TMEM116: variants seen among roughly 807,000 people sequenced by gnomAD.
The protein encoded by TMEM116 is transmembrane protein 116.
Under a neutral mutation model 44.3 loss-of-function variants are expected in TMEM116, and 38 were observed. The ratio of observed to expected loss-of-function variants is 0.86; its 90% CI spans 0.66 to 1.12. The LOEUF (loss-of-function observed/expected upper bound fraction) is 1.12, where lower values mean the gene tolerates loss of function less well. TMEM116 is among the 50% of genes most tolerant of loss of function. The pLI is 0.00. For missense variants in TMEM116, 354 were observed against 401.7 expected, an observed-to-expected ratio of 0.88 and a Z score of 1.01; for synonymous variants, 132 against 144.8, an observed-to-expected ratio of 0.91 and a Z score of 0.64.
At chr12:111,994,239 GA>G (rs2076797526) in intron 3 of TMEM116, among the ~76,000 whole-genome samples, 1 of 150,984 alleles carries the variant, frequency 6.6e-6, no homozygotes, top group Non-Finnish European at 1.5e-5. Context: ...AACTCTTCAG[GA>G]AAAAAAGAAA....
intron 7 of TMEM116, 139 bp downstream of exon 7, chr12:111,937,021 T>C (rs973808145): frequency 2.0e-6 from 2 of 996,658 alleles, no homozygotes; most frequent in African/African-American, 1.6e-5. Flanking sequence ...TTTTCAGCCT[T>C]TACTACATCT....
At position 111,933,040 on chromosome 12, in the gene TMEM116, A is replaced by G. The variant is rs1420665832; in HGVS notation, c.734-381T>C. ...CAGATCACCTGAGGTCAGGAGGTTG[A>G]GACCAGCCTGGCCAACATGGCGAAA... On this transcript the variant is annotated intron_variant, in intron 9 of 10. Coordinates refer to ENST00000552374, the MANE Select transcript of TMEM116 (RefSeq NM_001193531.2). Among the ~76,000 whole-genome samples, 4 of 152,226 alleles carry G rather than the reference A, an allele frequency of 2.6e-5. No individual in the cohort carries two copies. In the East Asian group the frequency reaches 7.7e-4, roughly 29 times the overall value.
intron 4 of TMEM116, among the ~76,000 whole-genome samples, chr12:111,952,383 C>T (rs2073797911): frequency 6.6e-6 from 1 of 152,150 alleles, no homozygotes; most frequent in Non-Finnish European, 1.5e-5. Flanking sequence ...ATTACTAATA[C>T]TACATGGTGT....
At chr12:112,009,843 C>CAAA in intron 1 of TMEM116, among the ~76,000 whole-genome samples, 1 of 112,056 alleles carries the variant, frequency 8.9e-6, no homozygotes, top group South Asian at 3.0e-4. Flanking sequence ...GACTCTGTCT[C>CAAA]AAAAAAAAAA....
chr12:112,012,955 A>G (rs1453120460), intron 1 of TMEM116, 47 bp downstream of exon 1: 1 of 155,376 alleles, frequency 6.4e-6, no homozygotes, highest in African/African-American at 2.4e-5. Context: ...CAGGGTGGTG[A>G]CGGAGCCTGA....
At chr12:111,971,018 G>A (rs1284960224) in intron 4 of TMEM116, among the ~76,000 whole-genome samples, 1 of 152,196 alleles carries the variant, frequency 6.6e-6, no homozygotes, top group African/African-American at 2.4e-5. Flanking sequence ...AGCAAAAAGT[G>A]CAGTAACATG....
chr12:111,970,953 C>T (rs1012037165), intron 4 of TMEM116, among the ~76,000 whole-genome samples: 5 of 152,080 alleles, frequency 3.3e-5, no homozygotes, highest in African/African-American at 4.8e-5. Flanking sequence ...CAACATGTTA[C>T]GTACAGAGGA....
chr12:111,944,937 T>C (rs1361564552), intron 4 of TMEM116, among the ~76,000 whole-genome samples: 1 of 151,178 alleles, frequency 6.6e-6, no homozygotes, highest in Non-Finnish European at 1.5e-5. Context: ...TTAGTGGGGG[T>C]GGTGGTGTAT....
At chr12:111,995,840 G>A (rs201419160) in intron 3 of TMEM116, among the ~76,000 whole-genome samples, 2 of 150,670 alleles carry the variant, frequency 1.3e-5, no homozygotes, top group East Asian at 3.9e-4. Flanking sequence ...AGACCAGACT[G>A]GGAAACATGG....
chr12:111,960,996 C>T (rs1038520768), intron 4 of TMEM116, among the ~76,000 whole-genome samples: 2 of 152,100 alleles, frequency 1.3e-5, no homozygotes, highest in Non-Finnish European at 2.9e-5. Flanking sequence ...GGGGATGTCA[C>T]CACTGATCCC....
At chr12:111,993,394 G>T in intron 3 of TMEM116, 1 of 545,944 alleles carries the variant, frequency 1.8e-6, no homozygotes, top group Non-Finnish European at 3.7e-6. Context: ...CAGGTGTTCT[G>T]CAAGTTTGGC....
chr12:111,959,007 G>C (rs2074375979), intron 4 of TMEM116, among the ~76,000 whole-genome samples: 1 of 152,092 alleles, frequency 6.6e-6, no homozygotes, highest in Non-Finnish European at 1.5e-5. Context: ...CCACCACAAA[G>C]ATACTCCTCG....
At chr12:111,988,301 GAAGT>G (rs1445963217) in intron 4 of TMEM116, among the ~76,000 whole-genome samples, 4 of 152,258 alleles carry the variant, frequency 2.6e-5, no homozygotes, top group East Asian at 3.9e-4. Context: ...ATACTTAAAA[GAAGT>G]AAGATTGTAA....
intron 4 of TMEM116, among the ~76,000 whole-genome samples, chr12:111,980,744 C>T (rs969176086): frequency 1.3e-5 from 2 of 152,076 alleles, no homozygotes; most frequent in African/African-American, 4.8e-5. Context: ...AAAATAAAGT[C>T]TATTTTTAAA....
chr12:111,939,880 CTGTGTGTGTGTGTGTGTGTGTGTGTGTG>C (rs61322648), intron 5 of TMEM116, among the ~76,000 whole-genome samples: 8 of 130,464 alleles, frequency 6.1e-5, no homozygotes, highest in Middle Eastern at 3.8e-3. Flanking sequence ...CTTCAAAGCT[CTGTGTGTGTGTGTGTGTGTGTGTGTGTG>C]TGTGTGTGTG....
intron 3 of TMEM116, among the ~76,000 whole-genome samples, chr12:112,002,584 A>T (rs904297883): frequency 8.6e-5 from 13 of 151,742 alleles, no homozygotes; most frequent in Non-Finnish European, 1.9e-4. Flanking sequence ...AAAAAGAAAA[A>T]AAGAAAAAAG....
At chr12:111,946,421 CA>C (rs2136292278) in intron 4 of TMEM116, among the ~76,000 whole-genome samples, 1 of 152,314 alleles carries the variant, frequency 6.6e-6, no homozygotes, top group Admixed American at 6.5e-5. Flanking sequence ...GTATTCCTTA[CA>C]GGAAACAAAC....
At chr12:111,955,739 G>A (rs548956757) in intron 4 of TMEM116, among the ~76,000 whole-genome samples, 2 of 152,156 alleles carry the variant, frequency 1.3e-5, no homozygotes, top group Non-Finnish European at 2.9e-5. Context: ...GACAGTGGCC[G>A]CATAAGATTA....
intron 4 of TMEM116, among the ~76,000 whole-genome samples, chr12:111,985,945 C>T (rs1427155043): frequency 1.3e-5 from 2 of 152,052 alleles, no homozygotes; most frequent in Admixed American, 1.3e-4. Context: ...AAGTGACCTA[C>T]AGATTCAATG....
Sources: allele counts gnomAD v4.1 joint callset (sites outside exome capture counted in the v4.1 genomes callset), GRCh38; gene constraint gnomAD v4.1.1; transcripts MANE v1.5; gene names NCBI Gene and HGNC (gene_info 2026-07-23, HGNC 2026-07-21).